The following KANK1 variants were observed in gnomAD, a reference collection of about 807,000 sequenced individuals.
The protein encoded by KANK1 is KN motif and ankyrin repeat domain-containing protein 1.
A neutral mutation model predicts 106.2 loss-of-function variants in KANK1; 109 were observed. The ratio of observed to expected loss-of-function variants is 1.03; its 90% CI spans 0.88 to 1.20. KANK1 has a LOEUF of 1.20. Ranked by LOEUF, KANK1 falls within the 50% of genes most tolerant of loss-of-function variation. The pLI is 0.00. For synonymous variants in KANK1, 873 were observed against 652.2 expected, an observed-to-expected ratio of 1.34 and a Z score of -5.16; for missense variants, 2,399 against 1,710.7, an observed-to-expected ratio of 1.40 and a Z score of -7.10.
intron 9 of KANK1, among the ~76,000 whole-genome samples, chr9:741,860 C>G (rs1835664438): frequency 1.3e-5 from 2 of 151,624 alleles, no homozygotes; most frequent in South Asian, 4.2e-4. Context: ...CTCAGACAAT[C>G]TGCCTGCCTC....
chr9:656,377 T>A (rs1210146959), intron 1 of KANK1, among the ~76,000 whole-genome samples: 3 of 152,014 alleles, frequency 2.0e-5, no homozygotes, highest in African/African-American at 4.8e-5. Flanking sequence ...GCAGAAGTGG[T>A]TGATATTTGA....
chr9:595,428 G>A (rs1352423369), intron 1 of KANK1, among the ~76,000 whole-genome samples: 2 of 151,912 alleles, frequency 1.3e-5, no homozygotes, highest in African/African-American at 2.4e-5. Flanking sequence ...CTTGAGCGTT[G>A]CAATCAGAAC....
chr9:740,940 T>A lies in KANK1; in HGVS notation c.3696+6T>A. On this transcript the variant is annotated splice_donor_region_variant and intron_variant, in intron 9 of 11. Coordinates refer to ENST00000382297, the MANE Select transcript of KANK1 (RefSeq NM_015158.5). ...TGAATGCCAAAGCTAGTCAGGTTAG[T>A]GCGCCTGGTTCCTGTGCTCAGGAAT... The A allele has an allele frequency of 6.2e-7, 1 of 1,614,050 alleles. No homozygotes were observed. The highest frequency in any genetic ancestry group is 8.5e-7 in the Non-Finnish European group (1 of 1,179,966).
At chr9:518,285 A>G (rs1187667877) in intron 1 of KANK1, among the ~76,000 whole-genome samples, 2 of 151,670 alleles carry the variant, frequency 1.3e-5, no homozygotes, top group Non-Finnish European at 2.9e-5. Flanking sequence ...GGCCCATCTG[A>G]TTTGAGTCCT....
chr9:683,856 C>A (rs1024051716), intron 2 of KANK1, among the ~76,000 whole-genome samples: 3 of 152,160 alleles, frequency 2.0e-5, no homozygotes, highest in African/African-American at 7.2e-5. Flanking sequence ...TTCAATGAAA[C>A]TGTAGCTGTT....
In KANK1 at chr9:725,974, C is replaced by T. The variant is rs192953437; in HGVS notation, c.2699-4077C>T. Reference sequence around the variant, plus strand: ...AGTATAATTTAGGAAATACTAGAGACAAAAAGAAAAAAGTTATAGTAGCCT... The same window carrying T: ...AGTATAATTTAGGAAATACTAGAGATAAAAAGAAAAAAGTTATAGTAGCCT... On this transcript the variant is annotated intron_variant, in intron 3 of 11. Transcript: ENST00000382297. Among the ~76,000 whole-genome samples, 58 of 152,010 alleles carry T rather than the reference C, an allele frequency of 3.8e-4. No homozygotes were observed. In the East Asian group the frequency reaches 7.5e-3, roughly 20 times the overall value.
chr9:566,551 C>T (rs540241876), intron 1 of KANK1, among the ~76,000 whole-genome samples: 3 of 152,196 alleles, frequency 2.0e-5, no homozygotes, highest in African/African-American at 7.2e-5. Flanking sequence ...AATAGCCATT[C>T]TGACAGGTGC....
At chr9:571,769 A>G (rs1279425342) in intron 1 of KANK1, among the ~76,000 whole-genome samples, 1 of 152,214 alleles carries the variant, frequency 6.6e-6, no homozygotes, top group Non-Finnish European at 1.5e-5. Context: ...ATGTTCTGTC[A>G]TTTATCAGAA....
intron 1 of KANK1, among the ~76,000 whole-genome samples, chr9:667,728 C>T (rs1437024158): frequency 7.5e-6 from 1 of 133,830 alleles, no homozygotes; most frequent in Non-Finnish European, 1.5e-5. Flanking sequence ...TGTTTAATTT[C>T]CAAAGGTTTT....
chr9:744,894 T>TGGTTCTGGCATTGTTCCTGAAGCA, intron 11 of KANK1: 2 of 1,414,254 alleles, frequency 1.4e-6, no homozygotes, highest in South Asian at 3.1e-5. Context: ...TATTTCGCCA[T>TGGTTCTGGCATTGTTCCTGAAGCA]GGTTCTGGCA....
intron 1 of KANK1, among the ~76,000 whole-genome samples, chr9:666,218 C>T (rs2138339018): frequency 6.6e-6 from 1 of 151,904 alleles, no homozygotes; most frequent in South Asian, 2.1e-4. Context: ...ATTTTACATT[C>T]TGTGTAGATA....
At chr9:716,611 C>T (rs148087076) in intron 3 of KANK1, among the ~76,000 whole-genome samples, 278 of 152,200 alleles carry the variant, frequency 1.8e-3, no homozygotes, top group Non-Finnish European at 3.1e-3. Context: ...ATATTAGCGG[C>T]CAATCCATAG....
At position 711,460 on chromosome 9, in the gene KANK1, A is replaced by T; in HGVS notation, c.694A>T (p.Thr232Ser). 6.2e-7 allele frequency: 1 copy of T among 1,613,906 alleles called. No homozygotes were observed. The highest frequency in any genetic ancestry group is 8.5e-7 in the Non-Finnish European group (1 of 1,179,974). The change falls in exon 3 of 12, where the codon ACT becomes TCT. Residue 232 changes from threonine to serine, a missense_variant. Transcript: ENST00000382297. ...YGSYAPAAPTTSSMGSSIRHS... is the reference protein window; with the variant it reads ...YGSYAPAAPTSSSMGSSIRHS... ...TAGCTATGCCCCAGCTGCTCCCACC[A>T]CTTCCTCCATGGGGAGCTCCATCCG...
chr9:484,221 G>A (rs2058253728), intron 3 of KANK1: 1 of 152,228 alleles, frequency 6.6e-6, no homozygotes, highest in African/African-American at 2.4e-5. Flanking sequence ...TTTGTTAAAG[G>A]CAGACAAGCA....
chr9:526,944 T>C (rs145774492), intron 1 of KANK1, among the ~76,000 whole-genome samples: 1 of 151,966 alleles, frequency 6.6e-6, no homozygotes, highest in African/African-American at 2.4e-5. Context: ...TGATTTTTGT[T>C]TGATTAATAT....
rs367830835 is a variant in KANK1 at position 475,992 on chromosome 9, A to G, written c.-362+2719A>G. The stretch of plus-strand genomic sequence containing the variant: ...CTCAGCCTCCCGAGTAGCTGGGATT[A>G]CAGGTGCCTGCCACCACACCCGGCT... On this transcript the variant is annotated intron_variant, in intron 3 of 15. Coordinates refer to the KANK1 transcript ENST00000382303. Among the ~76,000 whole-genome samples, 12 of 150,576 alleles carry G rather than the reference A, an allele frequency of 8.0e-5. No individual in the cohort carries two copies. The East Asian group carries it at 2.5e-3, about 31-fold the overall frequency.
chr9:500,873 C>G (rs918742584), upstream of KANK1, among the ~76,000 whole-genome samples: 4 of 152,102 alleles, frequency 2.6e-5, no homozygotes, highest in South Asian at 8.3e-4. Flanking sequence ...AACAGGGGAA[C>G]CTTCAGAAAG....
intron 1 of KANK1, among the ~76,000 whole-genome samples, chr9:645,791 C>G (rs548886568): frequency 2.7e-5 from 4 of 150,748 alleles, no homozygotes; most frequent in Non-Finnish European, 1.5e-5. Flanking sequence ...TGAGATCGTG[C>G]CACTGCACTT....
chr9:623,776 C>T (rs1037416346), intron 1 of KANK1, among the ~76,000 whole-genome samples: 1 of 152,046 alleles, frequency 6.6e-6, no homozygotes, highest in African/African-American at 2.4e-5. Context: ...GGAAAGGGAA[C>T]CCTTGTACGC....
Sources: allele counts gnomAD v4.1 joint callset (sites outside exome capture counted in the v4.1 genomes callset), GRCh38; gene constraint gnomAD v4.1.1; transcripts MANE v1.5; gene names NCBI Gene and HGNC (gene_info 2026-07-23, HGNC 2026-07-21).